The following RPTOR variants were observed in gnomAD, a reference collection of about 807,000 sequenced individuals.
RPTOR encodes regulatory-associated protein of mTOR.
RPTOR carries 21 observed loss-of-function variants against 169.9 expected under a neutral mutation model. The ratio of observed to expected loss-of-function variants is 0.12; its 90% CI spans 0.09 to 0.18. The LOEUF is 0.18. RPTOR is among the 10% of genes least tolerant of loss of function. The pLI is 1.00. For synonymous variants in RPTOR, 732 were observed against 753.2 expected (o/e 0.97, Z 0.46); for missense variants, 1,133 against 1,855.9 (o/e 0.61, Z 7.16).
chr17:80,620,775 A>G (rs2143518012), intron 1 of RPTOR, among the ~76,000 whole-genome samples: 1 of 152,368 alleles, frequency 6.6e-6, no homozygotes, highest in Non-Finnish European at 1.5e-5. Context: ...CAAAAAACAA[A>G]ACAAAAAACT....
intron 4 of RPTOR, among the ~76,000 whole-genome samples, chr17:80,716,288 A>C (rs1341665353): frequency 1.1e-4 from 17 of 152,048 alleles, no homozygotes; most frequent in Non-Finnish European, 2.1e-4. Context: ...TATCTATTGC[A>C]TTGTGGTTTT....
chr17:80,870,521 C>T (rs963544602), intron 13 of RPTOR, among the ~76,000 whole-genome samples: 5 of 152,232 alleles, frequency 3.3e-5, no homozygotes, highest in African/African-American at 4.8e-5. Context: ...TCCTCACACA[C>T]GTACACGCAA....
At chr17:80,545,872 G>A in intron 1 of RPTOR, 81 bp downstream of exon 1, 1 of 1,248,708 alleles carries the variant, frequency 8.0e-7, no homozygotes. Flanking sequence ...GTGTCCTTGG[G>A]AAAGCGCCGA....
chr17:80,878,582 G>C lies in RPTOR; in HGVS notation c.1510-1833G>C, dbSNP rs190742458. On this transcript the variant is annotated intron_variant, in intron 13 of 33. Transcript: ENST00000306801. This position sits in a 1 kb window ranked among gnomAD's most constrained non-coding sequence, Gnocchi z 4.1. ...AGGCTGGTCTCGAACTCCTGACCTT[G>C]TGACCCGCCTGTCTCAGCCTCCCAA... Among the ~76,000 whole-genome samples, 15 of 152,182 alleles carry C rather than the reference G, an allele frequency of 9.9e-5. No individual in the cohort carries two copies. Among genetic ancestry groups the C allele is most frequent in the Admixed American group, 9.2e-4 (14 of 15,288 alleles).
Position 80,850,411 on chromosome 17 carries a change from A to G in RPTOR, c.1314+3837A>G, listed in dbSNP as rs149767830. Among the ~76,000 whole-genome samples, 280 of 152,336 alleles carry G rather than the reference A, an allele frequency of 1.8e-3. 5 individuals carry two copies. The East Asian group carries it at 0.037, about 20-fold the overall frequency. ...GATTTCATTCTTTTTCTGGCTGAGT[A>G]GTATTCCATGATGCACAGACGCTGC... On this transcript the variant is annotated intron_variant, in intron 11 of 33. Transcript: ENST00000306801.
At chr17:80,958,985 G>C (rs62068553) in intron 29 of RPTOR, among the ~76,000 whole-genome samples, 3,143 of 152,306 alleles carry the variant, frequency 0.021, 60 homozygotes, top group Middle Eastern at 0.071. Flanking sequence ...CCTCTCTCCC[G>C]GGCAGGCCAT....
At chr17:80,601,047 T>G (rs2143448253) in intron 1 of RPTOR, among the ~76,000 whole-genome samples, 1 of 152,270 alleles carries the variant, frequency 6.6e-6, no homozygotes, top group East Asian at 1.9e-4. Context: ...TTGGCTGGTG[T>G]GCTGAGGACG....
At chr17:80,874,342 G>T (rs866131586) in intron 13 of RPTOR, among the ~76,000 whole-genome samples, 1 of 151,998 alleles carries the variant, frequency 6.6e-6, no homozygotes, top group Non-Finnish European at 1.5e-5. Flanking sequence ...GACCACAGGC[G>T]CGTGCCACCA....
At chr17:80,923,943 C>G in intron 23 of RPTOR, 1 of 458,802 alleles carries the variant, frequency 2.2e-6, no homozygotes, top group Non-Finnish European at 3.8e-6. Context: ...TGGGTGTGTC[C>G]CGGTTCTCCG....
chr17:80,872,840 A>G (rs781547286), intron 13 of RPTOR, among the ~76,000 whole-genome samples: 2 of 152,118 alleles, frequency 1.3e-5, no homozygotes, highest in Non-Finnish European at 2.9e-5. Context: ...GGGCGACCAC[A>G]GAGGCTGTCT....
chr17:80,616,504 C>T (rs563159223), intron 1 of RPTOR, among the ~76,000 whole-genome samples: 4 of 152,122 alleles, frequency 2.6e-5, no homozygotes, highest in East Asian at 1.9e-4. Flanking sequence ...TCACCATATT[C>T]GCCAGGCTGG....
rs1470434345 is a variant in RPTOR, at chr17:80,823,643, A to ACT, written c.1136+421_1136+422insTC. 1 of 32,408 alleles carries ACT rather than the reference A, an allele frequency of 3.1e-5. No individual in the cohort carries two copies. Among genetic ancestry groups the ACT allele is most frequent in the Non-Finnish European group, 6.8e-5 (1 of 14,796 alleles). 2.0% of individuals were successfully genotyped at this position (32,408 alleles called of 1,614,324 possible). A position where few individuals can be genotyped will look rare whatever the true frequency, so the allele number is the denominator to read the frequency against. ...CAATTAGTTTTTATGCTTATTTCTC[A>ACT]CACACACACACACACACACACACAC... On this transcript the variant is annotated intron_variant, in intron 9 of 33. Transcript: ENST00000306801. The surrounding 1 kb of genome is among the most constrained non-coding windows in gnomAD (Gnocchi z 4.5).
chr17:80,714,407 A>G (rs1198851802), intron 4 of RPTOR, among the ~76,000 whole-genome samples: 1 of 152,220 alleles, frequency 6.6e-6, no homozygotes, highest in Non-Finnish European at 1.5e-5. Context: ...TACATTCTCA[A>G]GTGCATGTGG....
At chr17:80,760,364 T>C (rs904325665) in intron 6 of RPTOR, among the ~76,000 whole-genome samples, 5 of 140,470 alleles carry the variant, frequency 3.6e-5, no homozygotes, top group African/African-American at 1.3e-4. Flanking sequence ...TGCAGTGGCG[T>C]GATCTCGGCT....
intron 3 of RPTOR, among the ~76,000 whole-genome samples, chr17:80,699,338 A>AGTGATGGGGAGCTAGAGGTGCTGTGCACG (rs2066063571): frequency 8.3e-6 from 1 of 120,284 alleles, no homozygotes; most frequent in African/African-American, 3.1e-5. Flanking sequence ...TGCTGTGCAC[A>AGTGATGGGGAGCTAGAGGTGCTGTGCACG]GTACCCTGGT....
rs541149888 is a variant in RPTOR, at chr17:80,702,347, A to G, written c.349-5494A>G. 2.5e-3 allele frequency among the ~76,000 whole-genome samples: 381 copies of G among 152,204 alleles called. 2 individuals are homozygous for G. The highest frequency in any genetic ancestry group is 8.7e-3 in the African/African-American group (362 of 41,522). On this transcript the variant is annotated intron_variant, in intron 3 of 33. Transcript: ENST00000306801. ...ATTTTCTTGCACCTTGAGATTTGGC[A>G]TTTCAGGAAAAATGCCTAGCACAAT...
At chr17:80,940,190 A>T (rs2069006558) in intron 24 of RPTOR, among the ~76,000 whole-genome samples, 2 of 38,642 alleles carry the variant, frequency 5.2e-5, no homozygotes, top group African/African-American at 8.1e-5. Flanking sequence ...AAAAAAACAA[A>T]TGTAAATAAC....
chr17:80,843,174 T>C (rs1039750599), intron 10 of RPTOR, among the ~76,000 whole-genome samples: 82 of 152,224 alleles, frequency 5.4e-4, no homozygotes, highest in African/African-American at 1.9e-3. Flanking sequence ...AATCTACAGA[T>C]TGATTTGGGA....
chr17:80,834,533 A>C (rs1318761248), intron 9 of RPTOR, among the ~76,000 whole-genome samples: 1 of 152,078 alleles, frequency 6.6e-6, no homozygotes, highest in Non-Finnish European at 1.5e-5. Context: ...TGAAATGTGG[A>C]GCTGGGTCAG....
Sources: gnomAD v4.1 joint callset for allele counts (sites outside exome capture counted in the v4.1 genomes callset) on GRCh38, gnomAD v4.1.1 for gene constraint, Gnocchi (gnomAD v3.1) non-coding constraint, MANE v1.5 for transcripts, NCBI Gene and HGNC (gene_info 2026-07-23, HGNC 2026-07-21) for gene names.